The following ARHGAP42 variants were observed in gnomAD, a reference collection of about 807,000 sequenced individuals.
ARHGAP42 encodes the protein Rho GTPase activating protein 42.
Under a neutral mutation model 125.0 loss-of-function variants are expected in ARHGAP42, and 63 were observed. The ratio of observed to expected loss-of-function variants is 0.50; its 90% CI spans 0.41 to 0.62. The LOEUF is 0.62. ARHGAP42 is among the 20% of genes least tolerant of loss of function. ARHGAP42 has a pLI of 0.00. For synonymous variants in ARHGAP42, 339 were observed against 351.0 expected (o/e 0.97, Z 0.38); for missense variants, 766 against 1,024.2 (o/e 0.75, Z 3.44).
intron 22 of ARHGAP42, among the ~76,000 whole-genome samples, chr11:100,984,139 G>GAA (rs961037554): frequency 1.1e-4 from 16 of 149,166 alleles, no homozygotes; most frequent in Admixed American, 1.1e-3. Context: ...GCAAAAGAAA[G>GAA]AAAAAAAAAT....
intron 21 of ARHGAP42, 32 bp downstream of exon 21, chr11:100,977,003 C>G (rs1050943479): frequency 6.5e-7 from 1 of 1,549,478 alleles, no homozygotes; most frequent in South Asian, 1.2e-5. Context: ...TGCTGTGTCT[C>G]CCAGGGATAC....
intron 21 of ARHGAP42, 98 bp from the exon 22 acceptor site, chr11:100,978,889 C>G: frequency 7.9e-7 from 1 of 1,258,270 alleles, no homozygotes; most frequent in Non-Finnish European, 1.1e-6. Context: ...GGTTCTCAAC[C>G]ATTTTTTGTC....
At chr11:100,827,302 C>G (rs1293469517) in intron 3 of ARHGAP42, among the ~76,000 whole-genome samples, 1 of 152,132 alleles carries the variant, frequency 6.6e-6, no homozygotes, top group East Asian at 1.9e-4. Context: ...AACGTCCGGC[C>G]AAGCCTTACA....
At chr11:100,928,352 T>C (rs1867484036) in intron 6 of ARHGAP42, among the ~76,000 whole-genome samples, 1 of 152,062 alleles carries the variant, frequency 6.6e-6, no homozygotes, top group East Asian at 1.9e-4. Flanking sequence ...TCCCAGCAAG[T>C]TGAGAGGCCG....
chr11:100,909,139 G>A (rs532619220), intron 4 of ARHGAP42, among the ~76,000 whole-genome samples: 1 of 152,086 alleles, frequency 6.6e-6, no homozygotes, highest in African/African-American at 2.4e-5. Flanking sequence ...TTAGCCCTTT[G>A]TTGGATGGAT....
intron 8 of ARHGAP42, 148 bp downstream of exon 8, chr11:100,936,480 G>A (rs1188297968): frequency 1.0e-5 from 12 of 1,162,790 alleles, no homozygotes; most frequent in Non-Finnish European, 1.3e-5. Flanking sequence ...CCAAAGTGAG[G>A]ACGTTTTTCC....
At chr11:100,879,933 G>A (rs1217366766) in intron 4 of ARHGAP42, among the ~76,000 whole-genome samples, 1 of 152,168 alleles carries the variant, frequency 6.6e-6, no homozygotes, top group African/African-American at 2.4e-5. Flanking sequence ...GGTTTTTAAA[G>A]TCATTGAACC....
Position 100,991,798 on chromosome 11 carries a change from C to T in ARHGAP42, c.*2997C>T, listed in dbSNP as rs1349582268. ...TGCATGGGTTCCCTGTGCTTTGTAA[C>T]TTGCATGAACACAACCAGGTTTCTC... is the stretch of plus-strand genomic sequence containing the variant. On this transcript the variant is annotated 3_prime_UTR_variant, in exon 24 of 24. Transcript: ENST00000298815. The T allele has an allele frequency of 6.5e-6, 1 of 152,852 alleles. No homozygotes were observed. Among genetic ancestry groups the T allele is most frequent in the Non-Finnish European group, 1.5e-5 (1 of 68,552 alleles). 9.5% of individuals were successfully genotyped at this position (152,852 alleles called of 1,614,324 possible).
Position 100,992,555 on chromosome 11 carries a change from A to G in ARHGAP42, c.*3754A>G. ...TCCTGCCTGTCTCCTGTTGATTCGC[A>G]GATGTAATATCGAGTATTCATCAAC... On this transcript the variant is annotated 3_prime_UTR_variant, in exon 24 of 24. Coordinates refer to ENST00000298815, the MANE Select transcript of ARHGAP42 (RefSeq NM_152432.4). The G allele has an allele frequency of 6.2e-7, 1 of 1,614,116 alleles. No individual in the cohort carries two copies. Among genetic ancestry groups the G allele is most frequent in the Non-Finnish European group, 8.5e-7 (1 of 1,179,978 alleles).
intron 8 of ARHGAP42, 65 bp downstream of exon 8, chr11:100,936,397 G>A: frequency 6.5e-7 from 1 of 1,532,956 alleles, no homozygotes; most frequent in Non-Finnish European, 8.8e-7. Flanking sequence ...ATGTGACTTG[G>A]TTAGTAGTAT....
At chr11:100,824,113 A>G (rs528350388) in intron 3 of ARHGAP42, among the ~76,000 whole-genome samples, 1 of 152,294 alleles carries the variant, frequency 6.6e-6, no homozygotes, top group South Asian at 2.1e-4. Context: ...CAGATTAAGT[A>G]TATCTGAATG....
intron 12 of ARHGAP42, among the ~76,000 whole-genome samples, chr11:100,953,577 T>C (rs898763974): frequency 6.6e-6 from 1 of 152,190 alleles, no homozygotes; most frequent in Non-Finnish European, 1.5e-5. Context: ...AAAACTATGC[T>C]GTGACTGTAG....
intron 4 of ARHGAP42, among the ~76,000 whole-genome samples, chr11:100,870,947 TAAAA>T (rs35187671): frequency 7.0e-6 from 1 of 141,892 alleles, no homozygotes. Flanking sequence ...AAAGAAGGTT[TAAAA>T]AAAAAAAAAA....
At position 100,779,507 on chromosome 11, in the gene ARHGAP42, CGTATATATAT is replaced by C. The variant is rs1863226537; in HGVS notation, c.250+9070_250+9079del. Among the ~76,000 whole-genome samples the C allele has an allele frequency of 7.8e-5, 10 of 127,448 alleles. 1 individual carries two copies. The highest frequency in any genetic ancestry group is 1.6e-4 in the Admixed American group (2 of 12,464). The allele number at this position is 127,448 out of a possible 152,430, so 83.6% of individuals were successfully genotyped here. ...ATATACACACACACACATATATACA[CGTATATATAT>C]ACGTATACATGCGTATATATACGTA... On this transcript the variant is annotated intron_variant, in intron 2 of 23. Transcript: ENST00000298815.
At chr11:100,982,037 A>G (rs505458) in intron 22 of ARHGAP42, among the ~76,000 whole-genome samples, 39,831 of 152,066 alleles carry the variant, frequency 0.26, 6,401 homozygotes, top group East Asian at 0.69. Context: ...AAACTTCTAC[A>G]TAGCAATTAC....
intron 3 of ARHGAP42, among the ~76,000 whole-genome samples, chr11:100,804,132 G>A (rs1335287558): frequency 6.6e-6 from 1 of 152,146 alleles, no homozygotes; most frequent in Non-Finnish European, 1.5e-5. Context: ...ACCATGGGCA[G>A]CTAATTCTCA....
intron 3 of ARHGAP42, among the ~76,000 whole-genome samples, chr11:100,799,048 G>T (rs1450102197): frequency 6.6e-6 from 1 of 152,212 alleles, no homozygotes; most frequent in Non-Finnish European, 1.5e-5. Context: ...TTAGTAGAAG[G>T]TTAATTAATA....
Position 100,824,649 on chromosome 11 carries a change from A to T in ARHGAP42, c.312+29483A>T, listed in dbSNP as rs559277209. On this transcript the variant is annotated intron_variant, in intron 3 of 23. Coordinates refer to ENST00000298815, the MANE Select transcript of ARHGAP42 (RefSeq NM_152432.4). The stretch of plus-strand genomic sequence containing the variant: ...TGAAAAATGTAGGGCTCTAGCGGAG[A>T]CTCTTCTCCTAATCAACTATATATC... Among the ~76,000 whole-genome samples, 4 of 152,038 alleles carry T rather than the reference A, an allele frequency of 2.6e-5. No individual in the cohort carries two copies. The East Asian group carries it at 7.7e-4, about 29-fold the overall frequency.
intron 3 of ARHGAP42, among the ~76,000 whole-genome samples, chr11:100,829,015 T>C (rs1183562544): frequency 6.6e-6 from 1 of 152,170 alleles, no homozygotes; most frequent in East Asian, 1.9e-4. Flanking sequence ...TTTATGGGCC[T>C]TATGCAAAGA....
Sources: allele counts gnomAD v4.1 joint callset (sites outside exome capture counted in the v4.1 genomes callset), GRCh38; gene constraint gnomAD v4.1.1; transcripts MANE v1.5; gene names NCBI Gene and HGNC (gene_info 2026-07-23, HGNC 2026-07-21).